The following SLC23A2 variants were observed in gnomAD, a reference collection of about 807,000 sequenced individuals.
SLC23A2 encodes the protein solute carrier family 23 member 2.
SLC23A2 carries 36 observed loss-of-function variants against 73.3 expected under a neutral mutation model. The ratio of observed to expected loss-of-function variants is 0.49; its 90% CI spans 0.38 to 0.65. The LOEUF is 0.65. Ranked by LOEUF, SLC23A2 falls within the 30% of genes least tolerant of loss-of-function variation. SLC23A2 has a pLI of 0.00. For missense variants in SLC23A2, 507 were observed against 841.6 expected (o/e 0.60, Z 4.92); for synonymous variants, 343 against 327.3 (o/e 1.05, Z -0.52).
intron 13 of SLC23A2, among the ~76,000 whole-genome samples, chr20:4,867,317 C>T (rs1668989250): frequency 6.6e-6 from 1 of 152,300 alleles, no homozygotes; most frequent in South Asian, 2.1e-4. Context: ...TCCCTCCCTC[C>T]ACCCTTCAGG....
At chr20:4,940,281 C>CTGCA (rs547175847) in intron 2 of SLC23A2, among the ~76,000 whole-genome samples, 314 of 152,222 alleles carry the variant, frequency 2.1e-3, no homozygotes, top group Middle Eastern at 0.01. Context: ...TGCCGCTTCA[C>CTGCA]TACAGCCTGG....
chr20:4,912,045 A>G (rs1424296388), intron 4 of SLC23A2, among the ~76,000 whole-genome samples: 1 of 148,060 alleles, frequency 6.8e-6, no homozygotes, highest in Non-Finnish European at 1.5e-5. Context: ...GGATCTTGCT[A>G]CGTTGCCCAG....
chr20:4,965,765 G>C (rs140184904), intron 2 of SLC23A2, among the ~76,000 whole-genome samples: 3 of 152,270 alleles, frequency 2.0e-5, no homozygotes, highest in African/African-American at 7.2e-5. Context: ...TCAGGAGTTG[G>C]AGACCAGTGT....
Position 4,862,695 on chromosome 20 carries a change from A to T in SLC23A2, c.1486+83T>A. 8.1e-7 allele frequency: 1 copy of T among 1,238,098 alleles called. No homozygotes were observed. Among genetic ancestry groups the T allele is most frequent in the Non-Finnish European group, 1.1e-6 (1 of 876,838 alleles). 76.7% of individuals were successfully genotyped at this position (1,238,098 alleles called of 1,614,324 possible). A position where few individuals can be genotyped will look rare whatever the true frequency, so the allele number is the denominator to read the frequency against. On this transcript the variant is annotated intron_variant, in intron 14 of 16. Coordinates refer to ENST00000338244, the MANE Select transcript of SLC23A2 (RefSeq NM_005116.6). This position sits in a 1 kb window ranked among gnomAD's most constrained non-coding sequence, Gnocchi z 5.1. ...AATAGAAATTTATCGTTACCTTCTTACTGAAGGGAGTCAGCAAAAACACCA... is the reference window on the plus strand; with the variant it reads ...AATAGAAATTTATCGTTACCTTCTTTCTGAAGGGAGTCAGCAAAAACACCA...
chr20:5,005,390 A>G (rs2088179786), upstream of SLC23A2, among the ~76,000 whole-genome samples: 1 of 151,964 alleles, frequency 6.6e-6, no homozygotes, highest in Admixed American at 6.6e-5. Context: ...GCTCATACAA[A>G]CAAGGTTTTT....
chr20:4,972,190 T>C (rs1949642813), intron 1 of SLC23A2, among the ~76,000 whole-genome samples: 2 of 152,174 alleles, frequency 1.3e-5, no homozygotes, highest in African/African-American at 4.8e-5. Context: ...ACCAACAGTT[T>C]AGCCAGATTT....
intron 3 of SLC23A2, among the ~76,000 whole-genome samples, chr20:4,919,466 C>T (rs1313802996): frequency 6.6e-6 from 1 of 152,194 alleles, no homozygotes; most frequent in Non-Finnish European, 1.5e-5. Context: ...CAAGAGGAGC[C>T]AGAAGGAGCC....
chr20:4,944,532 C>T lies in SLC23A2; in HGVS notation c.-154-11816G>A, dbSNP rs548808764. Among the ~76,000 whole-genome samples, 8 of 152,300 alleles carry T rather than the reference C, an allele frequency of 5.3e-5. No homozygotes were observed. The South Asian group carries it at 8.3e-4, about 16-fold the overall frequency. On this transcript the variant is annotated intron_variant, in intron 2 of 16. Coordinates refer to ENST00000338244, the MANE Select transcript of SLC23A2 (RefSeq NM_005116.6). Reference sequence around the variant, plus strand: ...GATTACAGGCATGAGCCACCGCACCCGGCCAGGAACCTGTATTTTTAACAA... The same window carrying T: ...GATTACAGGCATGAGCCACCGCACCTGGCCAGGAACCTGTATTTTTAACAA...
intron 3 of SLC23A2, among the ~76,000 whole-genome samples, chr20:4,918,631 G>C (rs536495648): frequency 2.8e-4 from 42 of 152,180 alleles, no homozygotes; most frequent in Non-Finnish European, 5.4e-4. Flanking sequence ...TATCACAGCA[G>C]TGCCAGGCGA....
At chr20:4,984,502 G>A (rs1357467819) in intron 1 of SLC23A2, among the ~76,000 whole-genome samples, 4 of 148,138 alleles carry the variant, frequency 2.7e-5, no homozygotes, top group South Asian at 4.4e-4. Context: ...GCAGTGAGCC[G>A]AGATTGCACC....
intron 6 of SLC23A2, among the ~76,000 whole-genome samples, chr20:4,893,125 C>T (rs1026947359): frequency 6.6e-6 from 1 of 151,560 alleles, no homozygotes; most frequent in African/African-American, 2.4e-5. Flanking sequence ...AATGCAGTGG[C>T]GTGATCATGG....
At chr20:4,971,167 C>T (rs1049133773) in intron 1 of SLC23A2, among the ~76,000 whole-genome samples, 2 of 151,994 alleles carry the variant, frequency 1.3e-5, no homozygotes, top group African/African-American at 2.4e-5. Flanking sequence ...TTTTAGAACA[C>T]CTATAAAAAA....
rs563679251 is a variant in SLC23A2, at chr20:4,976,393, C to T, written c.-281-5474G>A. Among the ~76,000 whole-genome samples, 6 of 152,076 alleles carry T rather than the reference C, an allele frequency of 3.9e-5. No homozygotes were observed. In the East Asian group the frequency reaches 5.8e-4, roughly 15 times the overall value. Reference sequence around the variant, plus strand: ...ACTTTTGTGCTAGAAAGTCCCTCCCCGGCCGGGCACGGTGGCTAACGCCTG... The same window carrying T: ...ACTTTTGTGCTAGAAAGTCCCTCCCTGGCCGGGCACGGTGGCTAACGCCTG... On this transcript the variant is annotated intron_variant, in intron 1 of 16. Coordinates refer to ENST00000338244, the MANE Select transcript of SLC23A2 (RefSeq NM_005116.6).
intron 6 of SLC23A2, among the ~76,000 whole-genome samples, chr20:4,887,652 G>A (rs1486395377): frequency 6.6e-6 from 1 of 152,196 alleles, no homozygotes; most frequent in Non-Finnish European, 1.5e-5. Flanking sequence ...GAGCGCTGCT[G>A]TAAAGATACT....
At position 4,869,936 on chromosome 20, in the gene SLC23A2, G is replaced by GCC; in HGVS notation, c.1219_1220insGG (p.Ala407GlyfsTer10). 1.3e-6 allele frequency: 2 copies of GCC among 1,576,848 alleles called. No homozygotes were observed. Among genetic ancestry groups the GCC allele is most frequent in the South Asian group, 1.1e-5 (1 of 90,326 alleles). ...TATTGCGTGGATGGGGGGGGGTGGG[G>GCC]CACAGGACAGCCGTGCACAGGCGTA... On this transcript the variant is annotated frameshift_variant, in exon 12 of 17. Coordinates refer to ENST00000338244, the MANE Select transcript of SLC23A2 (RefSeq NM_005116.6). LOFTEE classifies it high-confidence loss of function.
At position 4,862,943 on chromosome 20, in the gene SLC23A2, C is replaced by T; in HGVS notation, c.1357-36G>A. On this transcript the variant is annotated intron_variant, in intron 13 of 16. Coordinates refer to ENST00000338244, the MANE Select transcript of SLC23A2 (RefSeq NM_005116.6). This position sits in a 1 kb window ranked among gnomAD's most constrained non-coding sequence, Gnocchi z 5.1. The stretch of plus-strand genomic sequence containing the variant: ...CACAGGAGACTGGGAAACAGGGACT[C>T]ATCTCCATGCAAAATCACCGTAAGT... 6.3e-7 allele frequency: 1 copy of T among 1,587,806 alleles called. No individual in the cohort carries two copies. Among genetic ancestry groups the T allele is most frequent in the African/African-American group, 1.3e-5 (1 of 74,542 alleles).
intron 3 of SLC23A2, among the ~76,000 whole-genome samples, chr20:4,923,394 T>TC (rs756063106): frequency 1.3e-5 from 2 of 152,126 alleles, no homozygotes; most frequent in Admixed American, 6.6e-5. Context: ...TAACACTTTT[T>TC]CCCCCCAACT....
intron 2 of SLC23A2, among the ~76,000 whole-genome samples, chr20:4,944,376 T>G (rs937441897): frequency 7.9e-5 from 12 of 152,104 alleles, no homozygotes; most frequent in Non-Finnish European, 1.5e-4. Flanking sequence ...GCAGCTGGGA[T>G]TACAGGTGTG....
Position 4,902,473 on chromosome 20 carries a change from G to C in SLC23A2, c.293C>G (p.Pro98Arg), listed in dbSNP as rs1931784035. Residue 98 changes from proline to arginine, a missense_variant, in exon 5 of 17, where the codon CCC (proline) becomes CGC (arginine). By Grantham distance (103) the Pro-to-Arg change is moderately radical. Around this residue, in one of 5 missense-constraint regions of SLC23A2, gnomAD observed 217 missense variants for 398.0 expected, o/e 0.55. Transcript: ENST00000338244. This position sits in a 1 kb window ranked among gnomAD's most constrained non-coding sequence, Gnocchi z 4.0. ...DMIYTIEDVP[P>R]WYLCIFLGLQ... ...CCCCAGAAATATACACAGGTACCAG[G>C]GAGGAACATCTTCTATGGTATAAAT... is the stretch of plus-strand genomic sequence containing the variant. 2.5e-6 allele frequency: 4 copies of C among 1,608,232 alleles called. No individual in the cohort carries two copies. The Admixed American group carries it at 6.7e-5, about 27-fold the overall frequency.
Sources: allele counts gnomAD v4.1 joint callset (sites outside exome capture counted in the v4.1 genomes callset), GRCh38; gene constraint gnomAD v4.1.1; regional missense constraint gnomAD v4.1.1; non-coding constraint Gnocchi (gnomAD v3.1); transcripts MANE v1.5; gene names NCBI Gene and HGNC (gene_info 2026-07-23, HGNC 2026-07-21).